Variants in ZNF215 observed in about 807,000 individuals in gnomAD.
ZNF215 encodes BWSCR2-associated zinc finger protein 2.
Under a neutral mutation model 27.2 loss-of-function variants are expected in ZNF215, and 24 were observed. The observed-to-expected ratio is 0.88, with a 90% CI of 0.64 to 1.24. ZNF215 has a LOEUF of 1.24. ZNF215 is among the 50% of genes most tolerant of loss of function. The pLI is 0.00. For synonymous variants in ZNF215, 210 were observed against 204.0 expected (o/e 1.03, Z -0.25); for missense variants, 675 against 605.7 (o/e 1.11, Z -1.20).
chr11:6,942,962 G>C, intron 4 of ZNF215, 121 bp from the exon 5 acceptor site: 2 of 1,425,774 alleles, frequency 1.4e-6, no homozygotes, highest in Non-Finnish European at 1.9e-6. Context: ...ATTGTCCTCA[G>C]ACATTGTCCT....
At chr11:6,935,689 A>ATC (rs1200965939) in intron 3 of ZNF215, among the ~76,000 whole-genome samples, 1 of 152,170 alleles carries the variant, frequency 6.6e-6, no homozygotes, top group African/African-American at 2.4e-5. Context: ...AAGACTTGAG[A>ATC]AACACCATAA....
chr11:6,961,072 T>C (rs2133317255), downstream of ZNF215, among the ~76,000 whole-genome samples: 1 of 152,262 alleles, frequency 6.6e-6, no homozygotes, highest in South Asian at 2.1e-4. Context: ...GTGATTTCAT[T>C]AAATCCCAGG....
intron 5 of ZNF215, among the ~76,000 whole-genome samples, chr11:6,979,080 C>G (rs932915153): frequency 6.6e-6 from 1 of 152,018 alleles, no homozygotes; most frequent in African/African-American, 2.4e-5. Flanking sequence ...AAGGAACAAG[C>G]ACACCTTGCC....
downstream of ZNF215, among the ~76,000 whole-genome samples, chr11:6,992,933 C>G (rs1851131679): frequency 6.6e-6 from 1 of 152,174 alleles, no homozygotes; most frequent in African/African-American, 2.4e-5. Context: ...GCTAAGGAAG[C>G]AGTTTAGTAA....
Position 6,936,530 on chromosome 11 carries a change from A to G in ZNF215, c.400+3858A>G, listed in dbSNP as rs561280882. Among the ~76,000 whole-genome samples, 6 of 152,222 alleles carry G rather than the reference A, an allele frequency of 3.9e-5. No individual in the cohort carries two copies. The East Asian group carries it at 1.2e-3, about 29-fold the overall frequency. The stretch of plus-strand genomic sequence containing the variant: ...TCAACAAAGAAAACTCAAAGATGAT[A>G]TGGCTTCACTGGTAAATTCTACTAC... On this transcript the variant is annotated intron_variant, in intron 3 of 6. Coordinates refer to ENST00000278319, the MANE Select transcript of ZNF215 (RefSeq NM_013250.4).
chr11:6,929,794 C>G (rs907761963), intron 2 of ZNF215, among the ~76,000 whole-genome samples: 1 of 151,620 alleles, frequency 6.6e-6, no homozygotes, highest in Non-Finnish European at 1.5e-5. Flanking sequence ...CACCCCACAG[C>G]ATTTCCTCTT....
intron 6 of ZNF215, among the ~76,000 whole-genome samples, chr11:6,952,418 C>T (rs1390079449): frequency 6.6e-6 from 1 of 152,086 alleles, no homozygotes; most frequent in Non-Finnish European, 1.5e-5. Flanking sequence ...CTGGGTGCTC[C>T]TGTATTGGGT....
downstream of ZNF215, among the ~76,000 whole-genome samples, chr11:6,987,079 G>A (rs1390411073): frequency 2.6e-5 from 4 of 152,124 alleles, no homozygotes; most frequent in Non-Finnish European, 5.9e-5. Context: ...AACGACACAT[G>A]CACCCATATG....
chr11:6,970,521 T>C (rs1166848298), intron 5 of ZNF215, among the ~76,000 whole-genome samples: 1 of 152,230 alleles, frequency 6.6e-6, no homozygotes, highest in Non-Finnish European at 1.5e-5. Flanking sequence ...TCCTTGTGTA[T>C]TAACAGTACA....
chr11:6,988,158 T>A, downstream of ZNF215: 2 of 980,646 alleles, frequency 2.0e-6, no homozygotes, highest in Non-Finnish European at 2.4e-6. Context: ...CATAATCTGT[T>A]CAATTACCTT....
At chr11:6,940,885 TAACAAACTTACTACATTGTTTC>T (rs1483870392) in intron 3 of ZNF215, among the ~76,000 whole-genome samples, 5 of 152,230 alleles carry the variant, frequency 3.3e-5, no homozygotes, top group Non-Finnish European at 1.5e-5. Context: ...TGTAATGTTT[TAACAAACTTACTACATTGTTTC>T]TACTCTTTAT....
chr11:6,982,553 C>G (rs1850978010), intron 5 of ZNF215, among the ~76,000 whole-genome samples: 1 of 152,306 alleles, frequency 6.6e-6, no homozygotes, highest in African/African-American at 2.4e-5. Context: ...TTATAACAAA[C>G]TGTCTCTCAG....
chr11:6,930,927 T>C (rs1849235826), intron 2 of ZNF215, among the ~76,000 whole-genome samples: 1 of 152,222 alleles, frequency 6.6e-6, no homozygotes, highest in Non-Finnish European at 1.5e-5. Flanking sequence ...TTTTAAACCT[T>C]GGAATTATTG....
intron 6 of ZNF215, among the ~76,000 whole-genome samples, chr11:6,946,437 A>G (rs942625169): frequency 6.6e-6 from 1 of 152,162 alleles, no homozygotes; most frequent in Non-Finnish European, 1.5e-5. Flanking sequence ...TCAAATATAT[A>G]TTAAGCATCT....
At chr11:6,928,292 ATTAC>A (rs1849130584) in intron 2 of ZNF215, among the ~76,000 whole-genome samples, 1 of 152,066 alleles carries the variant, frequency 6.6e-6, no homozygotes, top group African/African-American at 2.4e-5. Context: ...CCACTATACT[ATTAC>A]TTTTTTGACT....
intron 3 of ZNF215, among the ~76,000 whole-genome samples, chr11:6,938,327 C>T (rs1256352067): frequency 6.6e-6 from 1 of 151,750 alleles, no homozygotes; most frequent in Non-Finnish European, 1.5e-5. Flanking sequence ...AAAAGGAAAA[C>T]GAATAGGGTT....
chr11:6,981,299 A>G (rs1850947100), intron 5 of ZNF215, among the ~76,000 whole-genome samples: 1 of 149,548 alleles, frequency 6.7e-6, no homozygotes, highest in Non-Finnish European at 1.5e-5. Flanking sequence ...AATGATTGCC[A>G]TTCTAACTGG....
At chr11:6,934,478 C>T (rs77432224) in intron 3 of ZNF215, among the ~76,000 whole-genome samples, 2 of 152,236 alleles carry the variant, frequency 1.3e-5, no homozygotes, top group East Asian at 3.9e-4. Flanking sequence ...ATCAGAGATC[C>T]AACACGGGTC....
chr11:6,941,987 T>C (rs114591264), intron 4 of ZNF215, among the ~76,000 whole-genome samples: 135 of 152,194 alleles, frequency 8.9e-4, no homozygotes, highest in African/African-American at 3.2e-3. Context: ...CCTCAAAGCA[T>C]ACTAAAAAGA....
Sources: allele counts gnomAD v4.1 joint callset (sites outside exome capture counted in the v4.1 genomes callset), GRCh38; gene constraint gnomAD v4.1.1; transcripts MANE v1.5; gene names NCBI Gene and HGNC (gene_info 2026-07-23, HGNC 2026-07-21).